Variants in DIS3L2 observed in about 807,000 individuals in gnomAD.
The protein encoded by DIS3L2 is DIS3 like 3'-5' exoribonuclease 2.
A neutral mutation model predicts 97.5 loss-of-function variants in DIS3L2; 34 were observed. The ratio of observed to expected loss-of-function variants is 0.35; its 90% CI spans 0.27 to 0.46. DIS3L2 has a LOEUF of 0.46. Among genes scored for constraint, DIS3L2 ranks in the 20% least tolerant of loss-of-function variants. The probability of loss-of-function intolerance (pLI) is 1.00; values close to 1 mark genes in which losing one functional copy is unlikely to be tolerated. For missense variants in DIS3L2, 1,038 were observed against 1,146.0 expected, an observed-to-expected ratio of 0.91 and a Z score of 1.36; for synonymous variants, 435 against 445.2, an observed-to-expected ratio of 0.98 and a Z score of 0.29.
At chr2:231,985,650 C>G (rs1360037094) in intron 1 of DIS3L2, among the ~76,000 whole-genome samples, 1 of 152,194 alleles carries the variant, frequency 6.6e-6, no homozygotes, top group African/African-American at 2.4e-5. Flanking sequence ...TCCTTCCTTT[C>G]TCTCTCTCCA....
intron 10 of DIS3L2, among the ~76,000 whole-genome samples, chr2:232,216,405 A>T (rs528128592): frequency 1.1e-3 from 166 of 152,294 alleles, no homozygotes; most frequent in African/African-American, 3.9e-3. Flanking sequence ...CCCTTCAGGC[A>T]TCAGTGCCCC....
intron 11 of DIS3L2, among the ~76,000 whole-genome samples, chr2:232,244,528 G>A (rs994077466): frequency 6.6e-6 from 1 of 152,210 alleles, no homozygotes; most frequent in Non-Finnish European, 1.5e-5. Context: ...GTATCCAGAG[G>A]GCATTGTAGA....
intron 1 of DIS3L2, among the ~76,000 whole-genome samples, chr2:232,002,329 A>G (rs1166280483): frequency 6.6e-6 from 1 of 152,086 alleles, no homozygotes; most frequent in Admixed American, 6.6e-5. Flanking sequence ...CTTTTTGCTC[A>G]AGATTGCTTT....
chr2:232,199,161 A>G (rs1214122766), intron 9 of DIS3L2, among the ~76,000 whole-genome samples: 1 of 152,198 alleles, frequency 6.6e-6, no homozygotes, highest in Admixed American at 6.5e-5. Flanking sequence ...GGTTCCTACA[A>G]CTTGGACTTG....
chr2:232,204,700 C>T (rs967103811), intron 9 of DIS3L2, among the ~76,000 whole-genome samples: 2 of 152,156 alleles, frequency 1.3e-5, no homozygotes, highest in African/African-American at 2.4e-5. Context: ...AGACCAAAGC[C>T]TTCCAGAAAA....
chr2:231,973,401 C>A (rs1364311595), intron 1 of DIS3L2, among the ~76,000 whole-genome samples: 1 of 152,020 alleles, frequency 6.6e-6, no homozygotes, highest in African/African-American at 2.4e-5. Context: ...TCACCCAGAA[C>A]TTAAACAAAT....
intron 9 of DIS3L2, among the ~76,000 whole-genome samples, chr2:232,207,352 G>C (rs1692055003): frequency 6.6e-6 from 1 of 152,120 alleles, no homozygotes; most frequent in South Asian, 2.1e-4. Context: ...TGCCAGGTCT[G>C]ATTTCACCTC....
chr2:232,006,213 A>G (rs1694049167), intron 1 of DIS3L2, among the ~76,000 whole-genome samples: 2 of 152,168 alleles, frequency 1.3e-5, no homozygotes, highest in South Asian at 4.1e-4. Context: ...AAAAAAGAAA[A>G]GGCATTTTAT....
chr2:232,238,104 A>G (rs4973512), intron 10 of DIS3L2, among the ~76,000 whole-genome samples: 144,023 of 152,206 alleles, frequency 0.95, 68,225 homozygotes, highest in East Asian at 1. Flanking sequence ...GGTGTGGGCT[A>G]AATAGGGCAA....
intron 5 of DIS3L2, among the ~76,000 whole-genome samples, chr2:232,042,864 A>C (rs1695146151): frequency 6.6e-6 from 1 of 152,248 alleles, no homozygotes; most frequent in Non-Finnish European, 1.5e-5. Context: ...GAGTTAATGT[A>C]GGTAAATACT....
At chr2:232,013,691 T>C (rs1440765407) in intron 1 of DIS3L2, among the ~76,000 whole-genome samples, 1 of 152,220 alleles carries the variant, frequency 6.6e-6, no homozygotes, top group African/African-American at 2.4e-5. Context: ...GAAATATGTG[T>C]GAAATTAACG....
intron 1 of DIS3L2, among the ~76,000 whole-genome samples, chr2:231,995,417 C>T (rs1693705731): frequency 6.6e-6 from 1 of 152,126 alleles, no homozygotes; most frequent in Admixed American, 6.5e-5. Flanking sequence ...TCCTATGGAA[C>T]CTAGATCAAA....
chr2:232,049,076 A>G, intron 5 of DIS3L2, among the ~76,000 whole-genome samples: 1 of 152,200 alleles, frequency 6.6e-6, no homozygotes, highest in East Asian at 1.9e-4. Context: ...GAATGCATTC[A>G]GTGAATGAAT....
intron 8 of DIS3L2, among the ~76,000 whole-genome samples, chr2:232,161,669 C>T (rs755008831): frequency 2.0e-5 from 3 of 152,196 alleles, no homozygotes; most frequent in Non-Finnish European, 2.9e-5. Context: ...CGGGGTTTCA[C>T]CACGTTGGCC....
chr2:232,010,563 T>G (rs1224080511), intron 1 of DIS3L2, among the ~76,000 whole-genome samples: 2 of 152,152 alleles, frequency 1.3e-5, no homozygotes, highest in East Asian at 3.8e-4. Context: ...TGCTTGTTTT[T>G]CCCATCTTTT....
At chr2:232,216,942 A>G (rs1192899714) in intron 10 of DIS3L2, among the ~76,000 whole-genome samples, 1 of 150,026 alleles carries the variant, frequency 6.7e-6, no homozygotes, top group Non-Finnish European at 1.5e-5. Flanking sequence ...TCCTGGGTTC[A>G]AGTGATTCTC....
At chr2:232,105,752 A>G (rs1697340144) in intron 6 of DIS3L2, among the ~76,000 whole-genome samples, 1 of 152,202 alleles carries the variant, frequency 6.6e-6, no homozygotes, top group Middle Eastern at 3.2e-3. Context: ...ATGTCTCACA[A>G]ATGTTCATCC....
chr2:232,295,028 C>G lies in DIS3L2; in HGVS notation c.1660-5012C>G, dbSNP rs531719230. 2.0e-5 allele frequency among the ~76,000 whole-genome samples: 3 copies of G among 152,264 alleles called. No homozygotes were observed. The East Asian group carries it at 5.8e-4, about 29-fold the overall frequency. On this transcript the variant is annotated intron_variant, in intron 13 of 20. Transcript: ENST00000325385. ...TATTGTATCTCCACTCCCTTACCCCCTTATTCTTCCCTCATACCTTCCTGG... is the reference window on the plus strand; with the variant it reads ...TATTGTATCTCCACTCCCTTACCCCGTTATTCTTCCCTCATACCTTCCTGG...
intron 13 of DIS3L2, among the ~76,000 whole-genome samples, chr2:232,279,252 T>G (rs1423212600): frequency 2.6e-5 from 4 of 152,214 alleles, no homozygotes; most frequent in Non-Finnish European, 5.9e-5. Context: ...TTCTATTTCT[T>G]ATGTGCTTGT....
Sources: gnomAD v4.1 joint callset for allele counts (sites outside exome capture counted in the v4.1 genomes callset) on GRCh38, gnomAD v4.1.1 for gene constraint, MANE v1.5 for transcripts, NCBI Gene and HGNC (gene_info 2026-07-23, HGNC 2026-07-21) for gene names.